TRAK2: variants seen among roughly 807,000 people sequenced by gnomAD.
TRAK2 encodes the protein trafficking kinesin-binding protein 2.
A neutral mutation model predicts 104.6 loss-of-function variants in TRAK2; 81 were observed. That is an observed-to-expected ratio of 0.77 (90% CI 0.65 to 0.93). The LOEUF (loss-of-function observed/expected upper bound fraction) is 0.93, where lower values mean the gene tolerates loss of function less well. Ranked by LOEUF, TRAK2 falls within the 40% of genes least tolerant of loss-of-function variation. The pLI, the probability that TRAK2 is intolerant of heterozygous loss-of-function variation, is 0.00. For missense variants in TRAK2, 1,002 were observed against 1,089.0 expected (o/e 0.92, Z 1.12); for synonymous variants, 406 against 394.4 (o/e 1.03, Z -0.35).
rs934386175 is a variant in TRAK2, at chr2:201,411,567, T to A, written c.92-3970A>T. 5 of 762,416 alleles carry A rather than the reference T, an allele frequency of 6.6e-6. No homozygotes were observed. The African/African-American group carries it at 8.5e-5, about 13-fold the overall frequency. The allele number at this position is 762,416 out of a possible 1,614,324, so 47.2% of individuals were successfully genotyped here. On this transcript the variant is annotated intron_variant, in intron 2 of 15. Coordinates refer to ENST00000332624, the MANE Select transcript of TRAK2 (RefSeq NM_015049.3). Reference sequence around the variant, plus strand: ...CTCTTTTATGATGGAAATGAAAGAATTGAACTGATTAAGATTGTTTTCAAT... The same window carrying A: ...CTCTTTTATGATGGAAATGAAAGAAATGAACTGATTAAGATTGTTTTCAAT...
At chr2:201,397,843 C>G in intron 6 of TRAK2, 1 of 553,710 alleles carries the variant, frequency 1.8e-6, no homozygotes, top group Admixed American at 3.2e-5. Context: ...ACAGTTGTAA[C>G]TACTTAGTTA....
rs905412629 is a variant in TRAK2 at position 201,421,383 on chromosome 2, A to C, written c.-199-677T>G. On this transcript the variant is annotated intron_variant, in intron 1 of 15. Coordinates refer to ENST00000332624, the MANE Select transcript of TRAK2 (RefSeq NM_015049.3). ...ATTACAGATAATAAACCAATGAAGAAGACGAAATGGAATAATACAAAACAG... is the reference window on the plus strand; with the variant it reads ...ATTACAGATAATAAACCAATGAAGACGACGAAATGGAATAATACAAAACAG... 1.6e-4 allele frequency among the ~76,000 whole-genome samples: 24 copies of C among 152,364 alleles called. 1 individual carries two copies. The highest frequency in any genetic ancestry group is 5.5e-4 in the African/African-American group (23 of 41,582).
At chr2:201,404,377 T>C (rs1951575427) in intron 3 of TRAK2, among the ~76,000 whole-genome samples, 2 of 152,224 alleles carry the variant, frequency 1.3e-5, no homozygotes, top group South Asian at 2.1e-4. Context: ...TATTTATACA[T>C]CAGGGAGACG....
chr2:201,425,747 T>C (rs1951782544), intron 1 of TRAK2, among the ~76,000 whole-genome samples: 1 of 151,842 alleles, frequency 6.6e-6, no homozygotes, highest in African/African-American at 2.4e-5. Context: ...TATACTTGTT[T>C]GTGAAGAGAG....
intron 2 of TRAK2, among the ~76,000 whole-genome samples, chr2:201,413,566 T>C (rs1951667067): frequency 6.6e-6 from 1 of 152,068 alleles, no homozygotes; most frequent in Admixed American, 6.6e-5. Context: ...AGAGATCAAA[T>C]CAAGACTGCT....
At chr2:201,406,436 A>AT (rs954932253) in intron 3 of TRAK2, among the ~76,000 whole-genome samples, 1 of 152,064 alleles carries the variant, frequency 6.6e-6, no homozygotes, top group African/African-American at 2.4e-5. Flanking sequence ...AATGTTTATA[A>AT]TTTTTTTTGA....
intron 1 of TRAK2, among the ~76,000 whole-genome samples, chr2:201,440,436 C>T (rs992911169): frequency 6.6e-6 from 1 of 152,202 alleles, no homozygotes; most frequent in Non-Finnish European, 1.5e-5. Context: ...CCAAATACCT[C>T]TTTCTTTCAT....
Position 201,387,532 on chromosome 2 carries a change from T to C in TRAK2, c.1696+171A>G, listed in dbSNP as rs117501677. Reference sequence around the variant, plus strand: ...ATTCAGAGAATGCAACTCTCTTCATTCATTAATTTTCCACAAAGTACTACA... The same window carrying C: ...ATTCAGAGAATGCAACTCTCTTCATCCATTAATTTTCCACAAAGTACTACA... On this transcript the variant is annotated intron_variant, in intron 13 of 15. Coordinates refer to ENST00000332624, the MANE Select transcript of TRAK2 (RefSeq NM_015049.3). 6.1e-4 allele frequency among the ~76,000 whole-genome samples: 93 copies of C among 152,296 alleles called. 1 individual carries two copies. In the East Asian group the frequency reaches 8.3e-3, roughly 14 times the overall value.
chr2:201,398,425 C>G, intron 5 of TRAK2, 71 bp from the exon 6 acceptor site: 1 of 1,334,684 alleles, frequency 7.5e-7, no homozygotes, highest in Non-Finnish European at 1.0e-6. Flanking sequence ...GCTTCTAATT[C>G]ATGGAACAAT....
chr2:201,449,991 C>A (rs747125333), intron 1 of TRAK2, among the ~76,000 whole-genome samples: 8 of 151,964 alleles, frequency 5.3e-5, no homozygotes, highest in Non-Finnish European at 8.8e-5. Flanking sequence ...CAGCGCCCGG[C>A]CAAATGTTGG....
chr2:201,420,756 A>G (rs377050709), intron 1 of TRAK2, 50 bp from the exon 2 acceptor site: 8 of 356,094 alleles, frequency 2.2e-5, no homozygotes, highest in African/African-American at 1.7e-4. Flanking sequence ...CTTTAACAAC[A>G]GGAATCTAAT....
chr2:201,439,900 C>A (rs1951906519), intron 1 of TRAK2, among the ~76,000 whole-genome samples: 1 of 124,732 alleles, frequency 8.0e-6, no homozygotes, highest in African/African-American at 3.1e-5. Flanking sequence ...AACATGGACA[C>A]AGGAAGGGGA....
chr2:201,431,709 CA>C (rs1189585510), intron 1 of TRAK2, among the ~76,000 whole-genome samples: 1 of 152,130 alleles, frequency 6.6e-6, no homozygotes, highest in East Asian at 1.9e-4. Flanking sequence ...TCACAGGATC[CA>C]GGGATCAAGA....
intron 2 of TRAK2, among the ~76,000 whole-genome samples, chr2:201,413,542 G>A (rs770332991): frequency 3.4e-4 from 52 of 152,046 alleles, no homozygotes; most frequent in Non-Finnish European, 5.7e-4. Flanking sequence ...TATTACTATT[G>A]AGTTTTTACA....
At chr2:201,398,650 C>A (rs946113253) in intron 5 of TRAK2, among the ~76,000 whole-genome samples, 3 of 151,974 alleles carry the variant, frequency 2.0e-5, no homozygotes, top group Non-Finnish European at 4.4e-5. Flanking sequence ...GAAAAATTCA[C>A]GTAAGATAAT....
intron 1 of TRAK2, among the ~76,000 whole-genome samples, chr2:201,439,910 A>C (rs1392085480): frequency 7.6e-6 from 1 of 131,404 alleles, no homozygotes; most frequent in Non-Finnish European, 1.6e-5. Flanking sequence ...CAGGAAGGGG[A>C]ACATCACACT....
Position 201,381,007 on chromosome 2 carries a change from C to T in TRAK2, c.2281G>A (p.Glu761Lys). ...TTAGGGAGAGGCTGGAGGGGGTTCTCTGAAATTGGGCTGTGGTACACTTTG... is the reference window on the plus strand; with the variant it reads ...TTAGGGAGAGGCTGGAGGGGGTTCTTTGAAATTGGGCTGTGGTACACTTTG... Reference protein sequence around the residue: ...SAKVYHSPISENPLQPLPKSL... With the variant: ...SAKVYHSPISKNPLQPLPKSL... The change falls in exon 16 of 16, where the codon GAG (glutamate) becomes AAG (lysine). Residue 761 changes from glutamate to lysine, a missense_variant. Transcript: ENST00000332624. 1 of 1,614,074 alleles carries T rather than the reference C, an allele frequency of 6.2e-7. No homozygotes were observed. The highest frequency in any genetic ancestry group is 8.5e-7 in the Non-Finnish European group (1 of 1,179,988).
In TRAK2 at chr2:201,439,388, CT is replaced by C. The variant is rs916599667; in HGVS notation, c.-200+11961del. ...CAAAAATACCACAGAATCTTTAATA[CT>C]TTTTTTTTTTGTGGTTTTCCATGGT... On this transcript the variant is annotated intron_variant, in intron 1 of 15. Transcript: ENST00000332624. Among the ~76,000 whole-genome samples, 456 of 146,624 alleles carry C rather than the reference CT, an allele frequency of 3.1e-3. 2 individuals carry two copies. Among genetic ancestry groups the C allele is most frequent in the African/African-American group, 8.8e-3 (352 of 40,168 alleles).
chr2:201,398,837 CA>C (rs1951524442), intron 5 of TRAK2, among the ~76,000 whole-genome samples: 1 of 152,006 alleles, frequency 6.6e-6, no homozygotes, highest in African/African-American at 2.4e-5. Context: ...CCTAAAGGCT[CA>C]AATGCTATCA....
Sources: allele counts gnomAD v4.1 joint callset (sites outside exome capture counted in the v4.1 genomes callset), GRCh38; gene constraint gnomAD v4.1.1; transcripts MANE v1.5; gene names NCBI Gene and HGNC (gene_info 2026-07-23, HGNC 2026-07-21).